The following BLTP1 variants were observed in gnomAD, a reference collection of about 807,000 sequenced individuals.
BLTP1 encodes the protein bridge-like lipid transfer protein family member 1.
At chr4:122,348,301 C>A in the BLTP1 span, among the ~76,000 whole-genome samples, 1 of 152,036 alleles carries the variant, frequency 6.6e-6, no homozygotes, top group South Asian at 2.1e-4. Flanking sequence ...GCTGCTATAT[C>A]CCATGCACAC....
the BLTP1 span, chr4:122,209,442 C>T: frequency 1.3e-3 from 1,433 of 1,121,220 alleles, 8 homozygotes; most frequent in African/African-American, 0.02. Context: ...ATCAGGAGTT[C>T]GAGACCAGCC....
chr4:122,360,087 TGCA>T, the BLTP1 span: 1 of 962,002 alleles, frequency 1.0e-6, no homozygotes, highest in South Asian at 4.8e-5. Flanking sequence ...TATGGCAAGA[TGCA>T]GCAGAAGTCA....
chr4:122,199,478 ATACT>A, the BLTP1 span: 1 of 1,533,000 alleles, frequency 6.5e-7, no homozygotes, highest in Middle Eastern at 1.7e-4. Context: ...GATGATATAC[ATACT>A]TGTATGAAAA....
chr4:122,321,795 C>T, the BLTP1 span, among the ~76,000 whole-genome samples: 1 of 150,554 alleles, frequency 6.6e-6, no homozygotes, highest in South Asian at 2.1e-4. Context: ...AGAAAGTCTT[C>T]ACTTTTCAAG....
At chr4:122,214,616 C>CT in the BLTP1 span, 147 of 78,464 alleles carry the variant, frequency 1.9e-3, 7 homozygotes, top group Non-Finnish European at 2.3e-3. Flanking sequence ...TCAGTAAATT[C>CT]TTTTTTTTTT....
the BLTP1 span, among the ~76,000 whole-genome samples, chr4:122,191,519 A>T: frequency 6.6e-6 from 1 of 152,170 alleles, no homozygotes; most frequent in Non-Finnish European, 1.5e-5. Flanking sequence ...GTGAACCCGT[A>T]TTTCCCAATG....
the BLTP1 span, chr4:122,307,451 A>G: frequency 1.0e-6 from 1 of 984,968 alleles, no homozygotes; most frequent in East Asian, 1.1e-4. Context: ...AGGCCCCTCC[A>G]TCTATACACT....
At chr4:122,186,432 C>G in the BLTP1 span, among the ~76,000 whole-genome samples, 1 of 151,882 alleles carries the variant, frequency 6.6e-6, no homozygotes, top group Non-Finnish European at 1.5e-5. Context: ...TATTCCCTTG[C>G]ACACAAATCC....
chr4:122,221,534 C>T, the BLTP1 span, among the ~76,000 whole-genome samples: 18 of 152,118 alleles, frequency 1.2e-4, no homozygotes, highest in Non-Finnish European at 2.5e-4. Context: ...AGGAAACTGA[C>T]GTTGATACAA....
the BLTP1 span, chr4:122,344,156 TGGA>T: frequency 5.1e-6 from 2 of 393,920 alleles, no homozygotes; most frequent in Non-Finnish European, 3.5e-6. Flanking sequence ...TTTCTATTGT[TGGA>T]GAAGGGTTGT....
At chr4:122,207,740 A>G in the BLTP1 span, 1 of 1,100,898 alleles carries the variant, frequency 9.1e-7, no homozygotes, top group Non-Finnish European at 1.3e-6. Context: ...TTGCAACTTC[A>G]AAGTATTTTT....
At chr4:122,341,384 C>G in the BLTP1 span, among the ~76,000 whole-genome samples, 2 of 152,236 alleles carry the variant, frequency 1.3e-5, no homozygotes, top group Admixed American at 1.3e-4. Flanking sequence ...TTATTTTAAT[C>G]TGTACTCTAT....
chr4:122,303,518 T>C, the BLTP1 span, among the ~76,000 whole-genome samples: 1 of 152,240 alleles, frequency 6.6e-6, no homozygotes, highest in Non-Finnish European at 1.5e-5. Context: ...TTTTCATAGA[T>C]AGTGATTCCT....
chr4:122,243,364 A>G, the BLTP1 span: 1 of 967,932 alleles, frequency 1.0e-6, no homozygotes. Context: ...AAATTTTCTC[A>G]TTCAATGTAT....
the BLTP1 span, chr4:122,343,863 A>C: frequency 1.4e-6 from 1 of 718,092 alleles, no homozygotes; most frequent in Non-Finnish European, 1.7e-6. Flanking sequence ...ATCTCTGGAT[A>C]TCAGAGATTA....
chr4:122,221,773 C>T, the BLTP1 span: 11 of 983,174 alleles, frequency 1.1e-5, no homozygotes, highest in Non-Finnish European at 3.6e-6. Context: ...AGCCCATCTC[C>T]CTTTTTCAGT....
At chr4:122,347,118 G>C in the BLTP1 span, 1 of 984,292 alleles carries the variant, frequency 1.0e-6, no homozygotes. Context: ...AGTTAATCAT[G>C]GTTAGCGAAG....
chr4:122,333,566 C>G, the BLTP1 span: 1 of 1,489,770 alleles, frequency 6.7e-7, no homozygotes, highest in Non-Finnish European at 8.9e-7. Context: ...GAAAAGTTTG[C>G]TTTTAAACAA....
the BLTP1 span, chr4:122,331,187 C>G: frequency 4.3e-6 from 6 of 1,391,346 alleles, no homozygotes; most frequent in Non-Finnish European, 5.7e-6. Context: ...AAGTGTGGCT[C>G]CATTAAACTC....
Sources: allele counts gnomAD v4.1 joint callset (sites outside exome capture counted in the v4.1 genomes callset), GRCh38; gene constraint gnomAD v4.1.1; transcripts MANE v1.5; gene names NCBI Gene and HGNC (gene_info 2026-07-23, HGNC 2026-07-21).